SLC25A26: variants seen among roughly 807,000 people sequenced by gnomAD.
SLC25A26 encodes mitochondrial S-adenosylmethionine carrier protein.
In SLC25A26, 36 loss-of-function variants were observed where a neutral mutation model predicts 37.8. The ratio of observed to expected loss-of-function variants is 0.95; its 90% confidence interval spans 0.73 to 1.26. The LOEUF (loss-of-function observed/expected upper bound fraction) is 1.26, where lower values mean the gene tolerates loss of function less well. SLC25A26 is among the 50% of genes most tolerant of loss of function. SLC25A26 has a pLI of 0.00. For synonymous variants in SLC25A26, 129 were observed against 122.5 expected (o/e 1.05, Z -0.35); for missense variants, 390 against 331.1 (o/e 1.18, Z -1.38).
At chr3:66,297,926 A>G (rs1397026677) in intron 5 of SLC25A26, among the ~76,000 whole-genome samples, 1 of 152,228 alleles carries the variant, frequency 6.6e-6, no homozygotes, top group Non-Finnish European at 1.5e-5. Context: ...TCTGTCTTTA[A>G]AGGATATAGC....
chr3:66,241,614 C>G (rs1325441382), intron 2 of SLC25A26, among the ~76,000 whole-genome samples: 1 of 152,046 alleles, frequency 6.6e-6, no homozygotes, highest in East Asian at 1.9e-4. Context: ...ATGGGAGATG[C>G]TAGGGAAAAG....
chr3:66,373,112 G>T (rs545164918), intron 9 of SLC25A26, among the ~76,000 whole-genome samples: 162 of 152,282 alleles, frequency 1.1e-3, no homozygotes, highest in African/African-American at 3.6e-3. Flanking sequence ...TGGGGAGCCT[G>T]CCCACCCCGG....
chr3:66,137,786 T>G (rs1256292578), intron 1 of SLC25A26, among the ~76,000 whole-genome samples: 1 of 152,182 alleles, frequency 6.6e-6, no homozygotes, highest in Non-Finnish European at 1.5e-5. Context: ...GCTTGTTTTC[T>G]TCTTTCCTTT....
intron 5 of SLC25A26, among the ~76,000 whole-genome samples, chr3:66,332,563 G>T (rs768359501): frequency 6.6e-6 from 1 of 151,988 alleles, no homozygotes; most frequent in Non-Finnish European, 1.5e-5. Context: ...GTGTAATTTG[G>T]CAGCACTTGG....
intron 5 of SLC25A26, among the ~76,000 whole-genome samples, chr3:66,284,189 A>T (rs1206569873): frequency 6.6e-6 from 1 of 152,118 alleles, no homozygotes; most frequent in Admixed American, 6.5e-5. Flanking sequence ...CCTACAAAAA[A>T]TTTTTAAAAA....
chr3:66,146,484 G>C (rs368307840), intron 1 of SLC25A26, among the ~76,000 whole-genome samples: 10 of 135,562 alleles, frequency 7.4e-5, no homozygotes, highest in African/African-American at 2.8e-4. Context: ...TAGGTGGTAA[G>C]ATTCTGCTTT....
intron 1 of SLC25A26, among the ~76,000 whole-genome samples, chr3:66,167,469 T>G (rs1177246460): frequency 6.6e-6 from 1 of 152,238 alleles, no homozygotes; most frequent in Admixed American, 6.5e-5. Context: ...CAGACCTGAA[T>G]GCATCACACT....
intron 1 of SLC25A26, among the ~76,000 whole-genome samples, chr3:66,180,962 A>G (rs2070694085): frequency 6.6e-6 from 1 of 152,188 alleles, no homozygotes; most frequent in Admixed American, 6.5e-5. Flanking sequence ...CCAGGAGTGT[A>G]CATACACAGG....
chr3:66,300,436 C>A (rs2107554858), intron 5 of SLC25A26, among the ~76,000 whole-genome samples: 1 of 152,138 alleles, frequency 6.6e-6, no homozygotes, highest in Non-Finnish European at 1.5e-5. Context: ...GAATTAGCCA[C>A]AAGTAAAATT....
At position 66,273,858 on chromosome 3, in the gene SLC25A26, C is replaced by T. The variant is rs545567619; in HGVS notation, c.453+10479C>T. ...TTTTTAGATTCAATGCCATCCCCATCAAGCTACCAATGACTTTCTTCACAG... is the reference window on the plus strand; with the variant it reads ...TTTTTAGATTCAATGCCATCCCCATTAAGCTACCAATGACTTTCTTCACAG... On this transcript the variant is annotated intron_variant, in intron 5 of 9. Transcript: ENST00000354883. 7.2e-4 allele frequency among the ~76,000 whole-genome samples: 110 copies of T among 152,272 alleles called. 2 individuals are homozygous for T. In the South Asian group the frequency reaches 0.022, roughly 31 times the overall value.
chr3:66,300,869 G>A (rs569673122), intron 5 of SLC25A26, among the ~76,000 whole-genome samples: 1 of 152,222 alleles, frequency 6.6e-6, no homozygotes, highest in East Asian at 1.9e-4. Context: ...CTGTATTTAT[G>A]CTTCTGTATA....
At chr3:66,317,809 G>A (rs1023502476) in intron 5 of SLC25A26, among the ~76,000 whole-genome samples, 8 of 152,180 alleles carry the variant, frequency 5.3e-5, no homozygotes, top group Admixed American at 4.6e-4. Context: ...CCTGGCTGGG[G>A]ATGCTGAAAT....
At chr3:66,258,739 A>G (rs1337500561) in intron 3 of SLC25A26, among the ~76,000 whole-genome samples, 2 of 151,916 alleles carry the variant, frequency 1.3e-5, no homozygotes, top group Non-Finnish European at 2.9e-5. Context: ...GGCACCACCT[A>G]CTCAGGAGGC....
At chr3:66,350,666 G>A (rs1174744388) in intron 6 of SLC25A26, among the ~76,000 whole-genome samples, 8 of 151,946 alleles carry the variant, frequency 5.3e-5, no homozygotes, top group Non-Finnish European at 1.2e-4. Flanking sequence ...GTCCTTGACT[G>A]GTTTTTTCAG....
In SLC25A26 at chr3:66,265,044, G is replaced by A. The variant is rs950333535; in HGVS notation, c.453+1665G>A. Among the ~76,000 whole-genome samples the A allele has an allele frequency of 2.0e-5, 3 of 152,204 alleles. 1 individual carries two copies. Among genetic ancestry groups the A allele is most frequent in the South Asian group, 4.1e-4 (2 of 4,828 alleles). ...GAACATGGTATGGGCCAGGCATGGTGACTCAAGCCTGTAATCCCAGCATTT... is the reference window on the plus strand; with the variant it reads ...GAACATGGTATGGGCCAGGCATGGTAACTCAAGCCTGTAATCCCAGCATTT... On this transcript the variant is annotated intron_variant, in intron 5 of 9. Transcript: ENST00000354883.
At chr3:66,329,014 G>C (rs1358937729) in intron 5 of SLC25A26, among the ~76,000 whole-genome samples, 2 of 152,110 alleles carry the variant, frequency 1.3e-5, no homozygotes, top group African/African-American at 4.8e-5. Context: ...ACGTATTTGT[G>C]AAGTATGTAA....
chr3:66,349,497 G>A (rs1379475825), intron 6 of SLC25A26, among the ~76,000 whole-genome samples: 1 of 151,250 alleles, frequency 6.6e-6, no homozygotes, highest in African/African-American at 2.4e-5. Context: ...TTTACTTAAT[G>A]TAATATTTTT....
intron 5 of SLC25A26, among the ~76,000 whole-genome samples, chr3:66,297,328 C>CAAAA (rs34315256): frequency 1.9e-5 from 2 of 106,408 alleles, no homozygotes; most frequent in Non-Finnish European, 2.1e-5. Flanking sequence ...AACTCCATCT[C>CAAAA]AAAAAAAAAA....
intron 4 of SLC25A26, among the ~76,000 whole-genome samples, chr3:66,262,717 A>G (rs773664011): frequency 9.2e-5 from 14 of 152,216 alleles, no homozygotes; most frequent in Non-Finnish European, 1.6e-4. Flanking sequence ...TTGATTTTAG[A>G]AAAGTTATTT....
Sources: gnomAD v4.1 joint callset for allele counts (sites outside exome capture counted in the v4.1 genomes callset) on GRCh38, gnomAD v4.1.1 for gene constraint, MANE v1.5 for transcripts, NCBI Gene and HGNC (gene_info 2026-07-23, HGNC 2026-07-21) for gene names.